Variants in GRM5 observed in about 807,000 individuals in gnomAD.
The protein encoded by GRM5 is metabotropic glutamate receptor 5.
Under a neutral mutation model 83.1 loss-of-function variants are expected in GRM5, and 19 were observed. The ratio of observed to expected loss-of-function variants is 0.23; its 90% CI spans 0.16 to 0.34. The LOEUF (loss-of-function observed/expected upper bound fraction) is 0.34. Ranked by LOEUF, GRM5 falls within the 10% of genes least tolerant of loss-of-function variation. GRM5 has a pLI of 1.00. For synonymous variants in GRM5, 675 were observed against 633.6 expected (o/e 1.07, Z -0.98); for missense variants, 1,160 against 1,588.3 (o/e 0.73, Z 4.58).
chr11:88,764,438 A>G (rs1313863511), intron 3 of GRM5, among the ~76,000 whole-genome samples: 2 of 151,748 alleles, frequency 1.3e-5, no homozygotes, highest in African/African-American at 4.8e-5. Context: ...TTTCCAGAAT[A>G]AAATACACAT....
intron 8 of GRM5, among the ~76,000 whole-genome samples, chr11:88,546,707 G>GTT (rs1942392707): frequency 6.6e-6 from 1 of 151,928 alleles, no homozygotes; most frequent in Non-Finnish European, 1.5e-5. Flanking sequence ...TTGATGCGTG[G>GTT]GGATAAATTT....
At chr11:88,845,733 C>T (rs1198833850) in intron 3 of GRM5, among the ~76,000 whole-genome samples, 1 of 151,636 alleles carries the variant, frequency 6.6e-6, no homozygotes, top group Non-Finnish European at 1.5e-5. Context: ...GCGCCCCCCC[C>T]CACTTTTTAT....
chr11:88,981,598 G>A (rs1425446019), intron 2 of GRM5, among the ~76,000 whole-genome samples: 3 of 152,044 alleles, frequency 2.0e-5, no homozygotes, highest in African/African-American at 7.2e-5. Flanking sequence ...GTCAGAAATA[G>A]TATACACAAA....
At chr11:88,638,880 T>G (rs2135283097) in intron 4 of GRM5, among the ~76,000 whole-genome samples, 1 of 152,256 alleles carries the variant, frequency 6.6e-6, no homozygotes, top group South Asian at 2.1e-4. Context: ...TCTGATCAAT[T>G]TGATTTTTCA....
intron 2 of GRM5, among the ~76,000 whole-genome samples, chr11:88,887,169 C>T (rs1565277750): frequency 6.6e-6 from 1 of 152,138 alleles, no homozygotes; most frequent in South Asian, 2.1e-4. Flanking sequence ...TCTTCTGGAA[C>T]CAAATGTTAG....
chr11:88,917,707 T>C (rs1157846337), intron 2 of GRM5, among the ~76,000 whole-genome samples: 1 of 151,988 alleles, frequency 6.6e-6, no homozygotes, highest in African/African-American at 2.4e-5. Context: ...GAAAAATGCA[T>C]CAGAGTCTCT....
intron 3 of GRM5, among the ~76,000 whole-genome samples, chr11:88,766,337 C>A (rs1311715723): frequency 6.6e-6 from 1 of 151,752 alleles, no homozygotes; most frequent in Admixed American, 6.6e-5. Context: ...CAAAATGGCA[C>A]GGTACTGGTA....
At chr11:88,740,310 T>C (rs775010487) in intron 3 of GRM5, among the ~76,000 whole-genome samples, 3 of 152,126 alleles carry the variant, frequency 2.0e-5, no homozygotes, top group African/African-American at 4.8e-5. Flanking sequence ...ATAATAGCTT[T>C]CTATTGCCTC....
chr11:88,826,128 C>T (rs1943891827), intron 3 of GRM5, among the ~76,000 whole-genome samples: 1 of 152,070 alleles, frequency 6.6e-6, no homozygotes, highest in South Asian at 2.1e-4. Context: ...TGGTAGTTCG[C>T]AGAGACCATT....
At chr11:88,531,869 C>T (rs1394128001) in intron 8 of GRM5, among the ~76,000 whole-genome samples, 1 of 151,900 alleles carries the variant, frequency 6.6e-6, no homozygotes, top group Non-Finnish European at 1.5e-5. Flanking sequence ...TACTATGGCC[C>T]GTAGTCTTCC....
At chr11:88,559,211 G>A (rs987896796) in intron 8 of GRM5, among the ~76,000 whole-genome samples, 2 of 152,070 alleles carry the variant, frequency 1.3e-5, no homozygotes, top group Non-Finnish European at 2.9e-5. Context: ...GTTCATTCAG[G>A]ATATGATGGA....
intron 2 of GRM5, among the ~76,000 whole-genome samples, chr11:88,859,011 TGAA>T (rs1162789333): frequency 6.6e-6 from 1 of 151,692 alleles, no homozygotes; most frequent in African/African-American, 2.4e-5. Context: ...ACAAAGACAA[TGAA>T]GAAGAAGAGA....
chr11:88,772,504 G>C lies in GRM5; in HGVS notation c.911+77402C>G, dbSNP rs531866297. On this transcript the variant is annotated intron_variant, in intron 3 of 9. Coordinates refer to ENST00000305447, the MANE Select transcript of GRM5 (RefSeq NM_001143831.3). ...TAGAGTACATGTGCACAATGTGCAG[G>C]TTTGACACATAGGTATACATGTGCC... 2.0e-5 allele frequency among the ~76,000 whole-genome samples: 3 copies of C among 151,592 alleles called. No homozygotes were observed. The South Asian group carries it at 6.3e-4, about 32-fold the overall frequency.
At chr11:88,511,365 C>G (rs1001388486) in intron 9 of GRM5, among the ~76,000 whole-genome samples, 1 of 152,186 alleles carries the variant, frequency 6.6e-6, no homozygotes, top group Non-Finnish European at 1.5e-5. Context: ...AAACCCACTC[C>G]CTTGGTAACA....
At chr11:88,928,739 C>G (rs1014572376) in intron 2 of GRM5, among the ~76,000 whole-genome samples, 1 of 151,786 alleles carries the variant, frequency 6.6e-6, no homozygotes, top group Non-Finnish European at 1.5e-5. Flanking sequence ...ATTAAATATT[C>G]CAAACGTGGG....
At chr11:88,536,660 T>C (rs1942141814) in intron 8 of GRM5, among the ~76,000 whole-genome samples, 1 of 152,114 alleles carries the variant, frequency 6.6e-6, no homozygotes, top group South Asian at 2.1e-4. Context: ...TCAGGTGAAA[T>C]TTGGATCAAA....
At chr11:88,781,232 A>G (rs1298521691) in intron 3 of GRM5, among the ~76,000 whole-genome samples, 2 of 151,758 alleles carry the variant, frequency 1.3e-5, no homozygotes, top group African/African-American at 2.4e-5. Context: ...ATAAGAATGA[A>G]GGGAAAGAGA....
At chr11:88,685,391 G>T (rs758250724) in intron 3 of GRM5, among the ~76,000 whole-genome samples, 1 of 152,212 alleles carries the variant, frequency 6.6e-6, no homozygotes, top group Non-Finnish European at 1.5e-5. Context: ...AAAGCATTCA[G>T]TTTTATAAGG....
chr11:88,875,652 A>G (rs1944841276), intron 2 of GRM5, among the ~76,000 whole-genome samples: 1 of 152,068 alleles, frequency 6.6e-6, no homozygotes, highest in Admixed American at 6.6e-5. Flanking sequence ...TATATTTCTG[A>G]AGTAATAAGA....
Sources: gnomAD v4.1 joint callset for allele counts (sites outside exome capture counted in the v4.1 genomes callset) on GRCh38, gnomAD v4.1.1 for gene constraint, MANE v1.5 for transcripts, NCBI Gene and HGNC (gene_info 2026-07-23, HGNC 2026-07-21) for gene names.